The following RNF220 variants were observed in gnomAD, a reference collection of about 807,000 sequenced individuals.
RNF220 encodes the protein E3 ubiquitin-protein ligase RNF220.
Under a neutral mutation model 67.1 loss-of-function variants are expected in RNF220, and 7 were observed. The ratio of observed to expected loss-of-function variants is 0.10; its 90% CI spans 0.06 to 0.20. RNF220 has a LOEUF of 0.20. Among genes scored for constraint, RNF220 ranks in the 10% least tolerant of loss-of-function variants. The pLI is 1.00. For missense variants in RNF220, 565 were observed against 740.3 expected (o/e 0.76, Z 2.75); for synonymous variants, 270 against 283.2 (o/e 0.95, Z 0.47).
chr1:44,570,474 T>C (rs972055390), intron 2 of RNF220, among the ~76,000 whole-genome samples: 3 of 152,330 alleles, frequency 2.0e-5, no homozygotes, highest in Admixed American at 1.3e-4. Flanking sequence ...GTTAAGGACT[T>C]ATGTTGGACT....
chr1:44,433,883 G>T (rs986811805), intron 2 of RNF220, among the ~76,000 whole-genome samples: 10 of 152,126 alleles, frequency 6.6e-5, no homozygotes, highest in African/African-American at 2.4e-4. Context: ...TATTGCTTGA[G>T]CCTGGGAGGC....
intron 2 of RNF220, among the ~76,000 whole-genome samples, chr1:44,501,247 C>T (rs1382848984): frequency 6.6e-6 from 1 of 151,768 alleles, no homozygotes; most frequent in Admixed American, 6.6e-5. Context: ...GGGTGACCAG[C>T]GGCTGTCAGT....
chr1:44,625,455 C>T (rs1371407043), intron 4 of RNF220, among the ~76,000 whole-genome samples: 2 of 152,186 alleles, frequency 1.3e-5, no homozygotes. Flanking sequence ...CTCCATCTTT[C>T]CCAAATTGCT....
chr1:44,619,943 G>C (rs796144042), intron 3 of RNF220, among the ~76,000 whole-genome samples: 1 of 152,210 alleles, frequency 6.6e-6, no homozygotes, highest in African/African-American at 2.4e-5. Context: ...ACAGTGAAGA[G>C]TGTTGCTAGG....
intron 2 of RNF220, among the ~76,000 whole-genome samples, chr1:44,498,679 C>G (rs984910687): frequency 6.6e-6 from 1 of 152,100 alleles, no homozygotes; most frequent in African/African-American, 2.4e-5. Flanking sequence ...ACCCTCTATA[C>G]CAGGGATTCT....
At chr1:44,640,968 G>A (rs1644471809) in intron 8 of RNF220, among the ~76,000 whole-genome samples, 1 of 152,110 alleles carries the variant, frequency 6.6e-6, no homozygotes, top group African/African-American at 2.4e-5. Context: ...TCAGGTTCCA[G>A]GACGATACTG....
intron 2 of RNF220, among the ~76,000 whole-genome samples, chr1:44,445,983 G>A (rs1652044340): frequency 6.6e-6 from 1 of 152,164 alleles, no homozygotes; most frequent in African/African-American, 2.4e-5. Flanking sequence ...GGTATGATTG[G>A]GTGCCAATCT....
intron 2 of RNF220, among the ~76,000 whole-genome samples, chr1:44,566,384 G>A (rs1447074337): frequency 6.6e-6 from 1 of 152,124 alleles, no homozygotes; most frequent in Non-Finnish European, 1.5e-5. Flanking sequence ...GGTGAATGAA[G>A]TCCTCAGCCC....
chr1:44,553,109 C>T (rs1662796533), intron 2 of RNF220, among the ~76,000 whole-genome samples: 1 of 152,160 alleles, frequency 6.6e-6, no homozygotes, highest in Admixed American at 6.5e-5. Context: ...AGCTTAGACT[C>T]ATTTCCTCTG....
At chr1:44,639,033 C>T (rs1644411982) in intron 8 of RNF220, among the ~76,000 whole-genome samples, 1 of 152,222 alleles carries the variant, frequency 6.6e-6, no homozygotes, top group Admixed American at 6.5e-5. Context: ...AAGGACAGCA[C>T]ACAGAGCCTA....
chr1:44,482,043 A>G (rs1655867095), intron 2 of RNF220, among the ~76,000 whole-genome samples: 2 of 152,240 alleles, frequency 1.3e-5, no homozygotes, highest in Non-Finnish European at 2.9e-5. Context: ...GCATTGCACC[A>G]GAAGTTCTGC....
chr1:44,520,205 G>A (rs1478467754), intron 2 of RNF220, among the ~76,000 whole-genome samples: 1 of 151,732 alleles, frequency 6.6e-6, no homozygotes, highest in Non-Finnish European at 1.5e-5. Flanking sequence ...GCTCACGCCT[G>A]TAATCCCAGC....
chr1:44,647,674 T>G (rs1040856958), intron 12 of RNF220, among the ~76,000 whole-genome samples: 2 of 152,124 alleles, frequency 1.3e-5, no homozygotes, highest in Non-Finnish European at 1.5e-5. Context: ...GGCCAGAGAT[T>G]GAAGTTGTAT....
intron 2 of RNF220, among the ~76,000 whole-genome samples, chr1:44,467,174 A>G (rs770674197): frequency 1.3e-5 from 2 of 151,760 alleles, no homozygotes; most frequent in African/African-American, 4.8e-5. Flanking sequence ...CTTTCCTTAA[A>G]CGTCATGAGG....
chr1:44,599,186 A>G (rs1044484000), intron 2 of RNF220, among the ~76,000 whole-genome samples: 3 of 152,160 alleles, frequency 2.0e-5, no homozygotes, highest in African/African-American at 7.2e-5. Context: ...AAGGAGCAGT[A>G]AAAAAATTAA....
intron 2 of RNF220, among the ~76,000 whole-genome samples, chr1:44,491,497 A>G (rs1274273100): frequency 6.6e-6 from 1 of 152,148 alleles, no homozygotes; most frequent in Non-Finnish European, 1.5e-5. Flanking sequence ...CAAAAGCTAT[A>G]TGATCATCTC....
intron 2 of RNF220, among the ~76,000 whole-genome samples, chr1:44,605,555 C>T (rs1337742858): frequency 6.6e-6 from 1 of 152,164 alleles, no homozygotes; most frequent in African/African-American, 2.4e-5. Context: ...TAGCAGGGAA[C>T]AAGTTAATTT....
At chr1:44,528,518 T>C (rs1660576776) in intron 2 of RNF220, among the ~76,000 whole-genome samples, 1 of 151,744 alleles carries the variant, frequency 6.6e-6, no homozygotes. Context: ...GCCAGGATGG[T>C]CTCAATCTCT....
At chr1:44,532,043 T>G (rs1255880837) in intron 2 of RNF220, among the ~76,000 whole-genome samples, 1 of 152,204 alleles carries the variant, frequency 6.6e-6, no homozygotes, top group Non-Finnish European at 1.5e-5. Context: ...CTAAAGTCAG[T>G]GCAGATGACC....
Sources: allele counts gnomAD v4.1 joint callset (sites outside exome capture counted in the v4.1 genomes callset), GRCh38; gene constraint gnomAD v4.1.1; transcripts MANE v1.5; gene names NCBI Gene and HGNC (gene_info 2026-07-23, HGNC 2026-07-21).